The following TMEM150C variants were observed in gnomAD, a reference collection of about 807,000 sequenced individuals.
TMEM150C encodes the protein tentonin 3.
A neutral mutation model predicts 29.9 loss-of-function variants in TMEM150C; 10 were observed. The ratio of observed to expected loss-of-function variants is 0.33; its 90% CI spans 0.21 to 0.57. TMEM150C has a LOEUF of 0.57. Ranked by LOEUF, TMEM150C falls within the 20% of genes least tolerant of loss-of-function variation. The pLI, the probability that TMEM150C is intolerant of heterozygous loss-of-function variation, is 0.88. For synonymous variants in TMEM150C, 101 were observed against 112.5 expected (o/e 0.90, Z 0.64); for missense variants, 251 against 303.6 (o/e 0.83, Z 1.29).
chr4:82,551,797 G>A (rs1725592507), intron 1 of TMEM150C, among the ~76,000 whole-genome samples: 2 of 152,144 alleles, frequency 1.3e-5, no homozygotes, highest in Admixed American at 6.5e-5. Context: ...TTACATGGCA[G>A]TCACCCCACT....
At chr4:82,518,276 AC>A (rs1724361288) in intron 1 of TMEM150C, among the ~76,000 whole-genome samples, 4 of 151,172 alleles carry the variant, frequency 2.6e-5, no homozygotes, top group Non-Finnish European at 5.9e-5. Flanking sequence ...AGATCAAGCA[AC>A]TCCACTCCAG....
chr4:82,529,681 C>G (rs559791733), intron 1 of TMEM150C, among the ~76,000 whole-genome samples: 1 of 152,164 alleles, frequency 6.6e-6, no homozygotes, highest in Admixed American at 6.5e-5. Context: ...GCTAGTGAGT[C>G]GATCAGTGAT....
In TMEM150C at chr4:82,484,381, A is replaced by C. The variant is rs2110058825; in HGVS notation, c.*1130T>G. 1 of 150,326 alleles carries C rather than the reference A, an allele frequency of 6.7e-6. No homozygotes were observed. Among genetic ancestry groups the C allele is most frequent in the Middle Eastern group, 3.4e-3 (1 of 292 alleles). The allele number at this position is 150,326 out of a possible 1,614,324, so 9.3% of individuals were successfully genotyped here. The stretch of plus-strand genomic sequence containing the variant: ...AAGGGTATTCTTTTAATTGGCTTCT[A>C]CAAATTCCAAATTTGAAAAGCCCTT... On this transcript the variant is annotated 3_prime_UTR_variant, in exon 8 of 8. Transcript: ENST00000449862.
intron 1 of TMEM150C, among the ~76,000 whole-genome samples, chr4:82,533,812 A>G (rs556195036): frequency 6.6e-6 from 1 of 152,260 alleles, no homozygotes; most frequent in Non-Finnish European, 1.5e-5. Context: ...ATAAAGCCGC[A>G]GAAATGTTAT....
chr4:82,543,808 A>G (rs530842324), intron 1 of TMEM150C, among the ~76,000 whole-genome samples: 1 of 152,316 alleles, frequency 6.6e-6, no homozygotes, highest in East Asian at 1.9e-4. Flanking sequence ...TCAAGGAAAA[A>G]TCAAGAGAAA....
chr4:82,489,185 C>T lies in TMEM150C; in HGVS notation c.541+876G>A, dbSNP rs377304059. ...CCCAAGTGTTGAACACTTCTGATTA[C>T]TCCACTCCATGGAATGAGTGACTGA... is the stretch of plus-strand genomic sequence containing the variant. On this transcript the variant is annotated intron_variant, in intron 7 of 7. Transcript: ENST00000449862. Among the ~76,000 whole-genome samples, 12 of 149,820 alleles carry T rather than the reference C, an allele frequency of 8.0e-5. 1 individual carries two copies. The highest frequency in any genetic ancestry group is 2.7e-4 in the Admixed American group (4 of 14,794).
intron 1 of TMEM150C, among the ~76,000 whole-genome samples, chr4:82,559,973 C>G (rs1725868481): frequency 6.6e-6 from 1 of 152,162 alleles, no homozygotes; most frequent in Non-Finnish European, 1.5e-5. Flanking sequence ...AGCAGGAAGA[C>G]AGACAAGAGT....
rs141456897 is a variant in TMEM150C at position 82,510,806 on chromosome 4, C to T, written c.-10-6139G>A. 2.0e-3 allele frequency among the ~76,000 whole-genome samples: 301 copies of T among 152,260 alleles called. 1 individual carries two copies. Among genetic ancestry groups the T allele is most frequent in the African/African-American group, 6.9e-3 (286 of 41,556 alleles). On this transcript the variant is annotated intron_variant, in intron 1 of 7. Transcript: ENST00000449862. ...AAGCAGAAATGATGAACGAGTCGCCCACTCATGACCACGACTGTCACAGTG... is the reference window on the plus strand; with the variant it reads ...AAGCAGAAATGATGAACGAGTCGCCTACTCATGACCACGACTGTCACAGTG...
chr4:82,523,271 C>T (rs1032368778), intron 1 of TMEM150C, among the ~76,000 whole-genome samples: 4 of 152,264 alleles, frequency 2.6e-5, no homozygotes, highest in Admixed American at 2.6e-4. Flanking sequence ...GAGGTCCCCA[C>T]CTGTCATGGA....
chr4:82,516,423 G>C (rs1206177280), intron 1 of TMEM150C, among the ~76,000 whole-genome samples: 2 of 152,054 alleles, frequency 1.3e-5, no homozygotes, highest in Non-Finnish European at 1.5e-5. Context: ...TCAAATCCAG[G>C]CTCTGCCACT....
intron 7 of TMEM150C, among the ~76,000 whole-genome samples, chr4:82,486,918 C>T (rs1723182052): frequency 6.6e-6 from 1 of 152,066 alleles, no homozygotes; most frequent in Non-Finnish European, 1.5e-5. Context: ...GGCCAAGTGT[C>T]TGAGGAACTA....
chr4:82,499,719 CA>C (rs1197264258), intron 5 of TMEM150C, among the ~76,000 whole-genome samples: 215 of 40,298 alleles, frequency 5.3e-3, no homozygotes, highest in Admixed American at 0.01. Flanking sequence ...ACTCCGTCTC[CA>C]AAAAAAAAAA....
chr4:82,503,031 C>G, intron 3 of TMEM150C, 28 bp downstream of exon 3: 1 of 1,609,870 alleles, frequency 6.2e-7, no homozygotes, highest in Non-Finnish European at 8.5e-7. Context: ...TCTTGATGAA[C>G]AACGAATTAC....
intron 1 of TMEM150C, among the ~76,000 whole-genome samples, chr4:82,552,637 C>G (rs987358099): frequency 6.6e-6 from 1 of 152,138 alleles, no homozygotes; most frequent in African/African-American, 2.4e-5. Flanking sequence ...ATCTGGGAAG[C>G]TTTTAAAAAA....
At position 82,551,043 on chromosome 4, in the gene TMEM150C, A is replaced by T. The variant is rs182798533; in HGVS notation, c.-11+10863T>A. Among the ~76,000 whole-genome samples the T allele has an allele frequency of 1.9e-4, 29 of 152,314 alleles. No homozygotes were observed. The East Asian group carries it at 4.4e-3, about 23-fold the overall frequency. ...CGGTCAGACCCTCTAGGATGATGTC[A>T]TTGCCATAAGTTACTGCAAGAGTTG... On this transcript the variant is annotated intron_variant, in intron 1 of 7. Transcript: ENST00000449862.
chr4:82,560,761 T>C (rs1301692276), intron 1 of TMEM150C, among the ~76,000 whole-genome samples: 1 of 152,246 alleles, frequency 6.6e-6, no homozygotes, highest in Non-Finnish European at 1.5e-5. Flanking sequence ...GTTATAGCCC[T>C]GCACTATTAA....
At chr4:82,498,507 G>A (rs1442678396) in intron 5 of TMEM150C, among the ~76,000 whole-genome samples, 6 of 152,030 alleles carry the variant, frequency 3.9e-5, no homozygotes, top group Non-Finnish European at 8.8e-5. Context: ...GGCCAGGATG[G>A]TCTCTATCTA....
chr4:82,540,642 T>C (rs1265635616), intron 1 of TMEM150C, among the ~76,000 whole-genome samples: 1 of 152,206 alleles, frequency 6.6e-6, no homozygotes, highest in Non-Finnish European at 1.5e-5. Flanking sequence ...TTTATTTACA[T>C]AATTACTATA....
chr4:82,495,615 C>G, intron 6 of TMEM150C: 1 of 350,418 alleles, frequency 2.9e-6, no homozygotes, highest in South Asian at 2.6e-5. Flanking sequence ...TTTCTTTCTC[C>G]AGCTTTCCTT....
Sources: allele counts gnomAD v4.1 joint callset (sites outside exome capture counted in the v4.1 genomes callset), GRCh38; gene constraint gnomAD v4.1.1; transcripts MANE v1.5; gene names NCBI Gene and HGNC (gene_info 2026-07-23, HGNC 2026-07-21).